ADK: variants seen among roughly 807,000 people sequenced by gnomAD.
The protein encoded by ADK is N6,N6-dimethyladenosine kinase.
A neutral mutation model predicts 44.7 loss-of-function variants in ADK; 24 were observed. That is an observed-to-expected ratio of 0.54 (90% CI 0.39 to 0.76). The LOEUF (loss-of-function observed/expected upper bound fraction) is 0.76, where lower values mean the gene tolerates loss of function less well. Ranked by LOEUF, ADK falls within the 30% of genes least tolerant of loss-of-function variation. The pLI, the probability that ADK is intolerant of heterozygous loss-of-function variation, is 0.00. For missense variants in ADK, 321 were observed against 425.1 expected (o/e 0.76, Z 2.15); for synonymous variants, 128 against 142.6 (o/e 0.90, Z 0.73).
At chr10:74,199,927 C>T (rs758005253) in intron 1 of ADK, among the ~76,000 whole-genome samples, 15 of 151,968 alleles carry the variant, frequency 9.9e-5, no homozygotes, top group Admixed American at 2.0e-4. Context: ...ATCCACCCAC[C>T]TCGGCCTCCC....
intron 1 of ADK, among the ~76,000 whole-genome samples, chr10:74,171,393 GT>G (rs766857624): frequency 1.2e-4 from 18 of 152,176 alleles, no homozygotes; most frequent in Non-Finnish European, 1.6e-4. Context: ...AACTGGTTGT[GT>G]TTGAAGAGAA....
At chr10:74,192,473 G>T (rs1245908327) in intron 1 of ADK, among the ~76,000 whole-genome samples, 1 of 151,272 alleles carries the variant, frequency 6.6e-6, no homozygotes, top group Non-Finnish European at 1.5e-5. Flanking sequence ...TGATCCGCCC[G>T]CCTCGGCCTC....
chr10:74,406,383 T>G (rs1592163383), intron 6 of ADK, among the ~76,000 whole-genome samples: 1 of 152,100 alleles, frequency 6.6e-6, no homozygotes, highest in Admixed American at 6.5e-5. Context: ...TTTATTATGA[T>G]GTACCTTGGC....
intron 4 of ADK, among the ~76,000 whole-genome samples, chr10:74,333,255 G>A (rs1164249783): frequency 1.3e-5 from 2 of 152,236 alleles, no homozygotes; most frequent in East Asian, 1.9e-4. Flanking sequence ...AGAAATACCA[G>A]CATGTCACAT....
intron 1 of ADK, among the ~76,000 whole-genome samples, chr10:74,193,943 C>A (rs1236726412): frequency 1.3e-5 from 2 of 151,934 alleles, no homozygotes; most frequent in African/African-American, 4.8e-5. Context: ...TTCAAAGCAA[C>A]CCCTAAAATC....
At chr10:74,594,671 TA>T (rs10709030) in intron 8 of ADK, among the ~76,000 whole-genome samples, 40,037 of 131,230 alleles carry the variant, frequency 0.31, 6,746 homozygotes, top group East Asian at 0.65. Flanking sequence ...TACAAATAGG[TA>T]AAAAAAAAAA....
At chr10:74,375,627 G>T (rs924481077) in intron 4 of ADK, among the ~76,000 whole-genome samples, 4 of 152,180 alleles carry the variant, frequency 2.6e-5, no homozygotes, top group East Asian at 3.8e-4. Flanking sequence ...GTCAGTCAAG[G>T]GGGGCCAGAA....
intron 6 of ADK, among the ~76,000 whole-genome samples, chr10:74,524,429 A>G (rs1848960201): frequency 6.6e-6 from 1 of 152,096 alleles, no homozygotes; most frequent in Non-Finnish European, 1.5e-5. Flanking sequence ...GTCTCCGTGT[A>G]TTTCCCAGGC....
intron 9 of ADK, among the ~76,000 whole-genome samples, chr10:74,659,753 G>A (rs1854629073): frequency 6.6e-6 from 1 of 152,192 alleles, no homozygotes; most frequent in African/African-American, 2.4e-5. Context: ...GAAGCATCCA[G>A]CGCAGGAGAA....
chr10:74,562,229 A>G (rs1850488445), intron 7 of ADK, among the ~76,000 whole-genome samples: 1 of 152,224 alleles, frequency 6.6e-6, no homozygotes. Context: ...TTCATGACCC[A>G]CTGCCTAACA....
intron 3 of ADK, among the ~76,000 whole-genome samples, chr10:74,276,952 C>T (rs1264317424): frequency 1.3e-5 from 2 of 150,476 alleles, no homozygotes; most frequent in Non-Finnish European, 2.9e-5. Flanking sequence ...GAGTCTCAGT[C>T]TGTTGCACAG....
intron 6 of ADK, among the ~76,000 whole-genome samples, chr10:74,426,101 T>C (rs1401106934): frequency 1.3e-5 from 2 of 152,184 alleles, no homozygotes; most frequent in Non-Finnish European, 2.9e-5. Flanking sequence ...TGCATGTATG[T>C]CTCTATACAT....
chr10:74,257,754 A>C (rs1032592725), intron 3 of ADK, among the ~76,000 whole-genome samples: 2 of 152,232 alleles, frequency 1.3e-5, no homozygotes, highest in African/African-American at 2.4e-5. Context: ...CTGTTTAGGC[A>C]ATAAATTTAA....
At chr10:74,695,605 C>G (rs1165455582) in intron 10 of ADK, among the ~76,000 whole-genome samples, 1 of 60,560 alleles carries the variant, frequency 1.7e-5, no homozygotes, top group Admixed American at 1.8e-4. Context: ...TTTACAATTC[C>G]TGTGTATGTG....
chr10:74,300,874 T>C (rs1840008078), intron 3 of ADK, among the ~76,000 whole-genome samples: 1 of 152,250 alleles, frequency 6.6e-6, no homozygotes, highest in African/African-American at 2.4e-5. Flanking sequence ...AGCAGATGTT[T>C]GTGGGCTCAA....
intron 9 of ADK, chr10:74,655,740 T>C (rs1370398011): frequency 6.2e-6 from 3 of 485,786 alleles, no homozygotes; most frequent in Non-Finnish European, 8.1e-6. Flanking sequence ...GGAATTGCTG[T>C]TCCTCCAGTT....
intron 4 of ADK, among the ~76,000 whole-genome samples, chr10:74,316,004 G>A (rs1592035722): frequency 1.3e-5 from 2 of 152,206 alleles, no homozygotes; most frequent in East Asian, 1.9e-4. Flanking sequence ...TTGGGAAGCC[G>A]AGGTGGACGG....
chr10:74,377,543 T>A (rs956440696), intron 4 of ADK, among the ~76,000 whole-genome samples: 1 of 152,164 alleles, frequency 6.6e-6, no homozygotes, highest in African/African-American at 2.4e-5. Flanking sequence ...AAGGTGAAAC[T>A]TAGGACTCAA....
At chr10:74,474,936 AC>A (rs1207101201) in intron 6 of ADK, among the ~76,000 whole-genome samples, 1 of 152,036 alleles carries the variant, frequency 6.6e-6, no homozygotes, top group African/African-American at 2.4e-5. Flanking sequence ...GACCATTCTG[AC>A]CAACATGGTG....
Sources: gnomAD v4.1 joint callset for allele counts (sites outside exome capture counted in the v4.1 genomes callset) on GRCh38, gnomAD v4.1.1 for gene constraint, MANE v1.5 for transcripts, NCBI Gene and HGNC (gene_info 2026-07-23, HGNC 2026-07-21) for gene names.